The following PHTF1 variants were observed in gnomAD, a reference collection of about 807,000 sequenced individuals.
The protein encoded by PHTF1 is putative homeodomain transcription factor 1, also known as protein PHTF1.
PHTF1 carries 88 observed loss-of-function variants against 102.4 expected under a neutral mutation model. The ratio of observed to expected loss-of-function variants is 0.86; its 90% CI spans 0.72 to 1.03. The LOEUF (loss-of-function observed/expected upper bound fraction) is 1.03, where lower values mean the gene tolerates loss of function less well. Among genes scored for constraint, PHTF1 ranks in the 50% least tolerant of loss-of-function variants. The pLI is 0.00. For missense variants in PHTF1, 814 were observed against 909.5 expected, an observed-to-expected ratio of 0.89 and a Z score of 1.35; for synonymous variants, 289 against 305.2, an observed-to-expected ratio of 0.95 and a Z score of 0.55.
At chr1:113,748,016 C>T (rs889289320) in intron 3 of PHTF1, among the ~76,000 whole-genome samples, 1 of 152,178 alleles carries the variant, frequency 6.6e-6, no homozygotes, top group Non-Finnish European at 1.5e-5. Flanking sequence ...TCTCGCTTGT[C>T]GCCCAGGCTA....
chr1:113,733,051 G>A (rs1292009491), intron 5 of PHTF1, among the ~76,000 whole-genome samples: 4 of 139,624 alleles, frequency 2.9e-5, no homozygotes, highest in African/African-American at 5.4e-5. Context: ...CTTGCACCAC[G>A]CCTGGCTAAT....
intron 10 of PHTF1, among the ~76,000 whole-genome samples, chr1:113,711,016 A>C (rs1651013634): frequency 1.3e-5 from 2 of 151,974 alleles, no homozygotes; most frequent in Admixed American, 1.3e-4. Flanking sequence ...CTAAGAAGCT[A>C]CTGCCATGTT....
intron 7 of PHTF1, among the ~76,000 whole-genome samples, chr1:113,717,435 C>T (rs557818346): frequency 6.6e-6 from 1 of 151,838 alleles, no homozygotes; most frequent in South Asian, 2.1e-4. Flanking sequence ...TGGCTTAATG[C>T]ATTAAAAAAA....
At position 113,710,316 on chromosome 1, in the gene PHTF1, C is replaced by T. The variant is rs376382426; in HGVS notation, c.1207G>A (p.Ala403Thr). The T allele has an allele frequency of 2.5e-6, 4 of 1,613,952 alleles. No homozygotes were observed. In the African/African-American group the frequency reaches 4.0e-5, roughly 16 times the overall value. ...CCTGAGTGAAGGGTATTCACATGGG[C>T]CCCCTCACTGTCACTGGTGACAGAT... ...RSSVTSDSEGAHVNTLHSGTK... is the reference protein window; with the variant it reads ...RSSVTSDSEGTHVNTLHSGTK... The change falls in exon 11 of 19, where the codon GCC becomes ACC. Residue 403 changes from alanine (A) to threonine (T), a missense_variant. Coordinates refer to ENST00000369604, the MANE Select transcript of PHTF1 (RefSeq NM_001323043.2).
At position 113,701,044 on chromosome 1, in the gene PHTF1, A is replaced by C. The variant is rs565632967; in HGVS notation, c.1891-95T>G. ...TGTCAATTTAAGAACATTTCCAAAAATCCAATATTTTAATACTGAAAGCAG... is the reference window on the plus strand; with the variant it reads ...TGTCAATTTAAGAACATTTCCAAAACTCCAATATTTTAATACTGAAAGCAG... On this transcript the variant is annotated intron_variant, in intron 15 of 18. Coordinates refer to ENST00000369604, the MANE Select transcript of PHTF1 (RefSeq NM_001323043.2). 13 of 931,646 alleles carry C rather than the reference A, an allele frequency of 1.4e-5. No individual in the cohort carries two copies. In the East Asian group the frequency reaches 3.2e-4, roughly 23 times the overall value. 57.7% of individuals were successfully genotyped at this position (931,646 alleles called of 1,614,324 possible).
At chr1:113,743,132 C>T (rs982154772) in intron 3 of PHTF1, among the ~76,000 whole-genome samples, 1 of 152,214 alleles carries the variant, frequency 6.6e-6, no homozygotes, top group African/African-American at 2.4e-5. Flanking sequence ...GATAACTTAA[C>T]CTTAGCTTAC....
At chr1:113,739,019 T>C (rs1655945845) in intron 3 of PHTF1, among the ~76,000 whole-genome samples, 1 of 152,080 alleles carries the variant, frequency 6.6e-6, no homozygotes, top group Non-Finnish European at 1.5e-5. Flanking sequence ...GCCCGGCTAA[T>C]TTTTTGTATT....
chr1:113,746,824 T>C, intron 3 of PHTF1: 7 of 871,972 alleles, frequency 8.0e-6, no homozygotes, highest in Non-Finnish European at 9.6e-6. Context: ...ACAAGGTTAA[T>C]AAAAAATAAC....
chr1:113,710,417 G>C lies in PHTF1; in HGVS notation c.1106C>G (p.Ser369Ter). Residue 369 changes from serine to a stop codon, truncating the protein, a stop_gained, in exon 11 of 19, where the codon TCA becomes TGA. Coordinates refer to ENST00000369604, the MANE Select transcript of PHTF1 (RefSeq NM_001323043.2). LOFTEE classifies it high-confidence loss of function. ...SRSLNMSRRD[S>*]ESTRHDSETE... ...CTCCGAGTCATGGCGGGTGCTTTCT[G>C]AGTCTCTTCTTGACATGTTGAGGCT... The C allele has an allele frequency of 6.2e-7, 1 of 1,614,018 alleles. No individual in the cohort carries two copies. Among genetic ancestry groups the C allele is most frequent in the Non-Finnish European group, 8.5e-7 (1 of 1,180,002 alleles).
In PHTF1 at chr1:113,697,730, GA is replaced by G; in HGVS notation, c.2269-6del. The G allele has an allele frequency of 6.2e-7, 1 of 1,603,298 alleles. No individual in the cohort carries two copies. The highest frequency in any genetic ancestry group is 1.7e-5 in the Admixed American group (1 of 59,992). On this transcript the variant is annotated splice_polypyrimidine_tract_variant and splice_region_variant and intron_variant, in intron 18 of 18. Coordinates refer to ENST00000369604, the MANE Select transcript of PHTF1 (RefSeq NM_001323043.2). Reference sequence around the variant, plus strand: ...TTATGATTTAATTTTCCACAGCTAAGAGAACAAAATCACCAAAATAAGTTAG... The same window carrying G: ...TTATGATTTAATTTTCCACAGCTAAGGAACAAAATCACCAAAATAAGTTAG...
At chr1:113,753,490 T>A (rs1265432452) in intron 3 of PHTF1, among the ~76,000 whole-genome samples, 1 of 152,088 alleles carries the variant, frequency 6.6e-6, no homozygotes, top group African/African-American at 2.4e-5. Flanking sequence ...GTGCAATGCA[T>A]GATCTCAGCT....
chr1:113,700,861 C>T lies in PHTF1; in HGVS notation c.1979G>A (p.Arg660His), dbSNP rs767112179. Residue 660 changes from arginine to histidine, a missense_variant, in exon 16 of 19, where the codon CGT (arginine) becomes CAT (histidine). Physicochemically the swap from Arg to His is conservative, Grantham distance 29 (BLOSUM62 0). Transcript: ENST00000369604. ...GGTTTCAGACCCCAGTGAGGCCAGA[C>T]GCAATAAAAAAAGTAGTAAAGCTGT... ...WETALLLFLL[R>H]LASLGSETNK... 12 of 1,611,396 alleles carry T rather than the reference C, an allele frequency of 7.4e-6. No homozygotes were observed. Among genetic ancestry groups the T allele is most frequent in the South Asian group, 4.4e-5 (4 of 90,632 alleles).
At chr1:113,737,527 T>C (rs773774790) in intron 5 of PHTF1, among the ~76,000 whole-genome samples, 1 of 152,166 alleles carries the variant, frequency 6.6e-6, no homozygotes, top group Non-Finnish European at 1.5e-5. Context: ...AAACTTTAGG[T>C]AATCCAATAT....
chr1:113,709,610 T>A (rs1322779658), intron 11 of PHTF1, among the ~76,000 whole-genome samples: 1 of 152,250 alleles, frequency 6.6e-6, no homozygotes, highest in Non-Finnish European at 1.5e-5. Flanking sequence ...CTGATGGAGA[T>A]ATAAATAATA....
At chr1:113,705,014 C>T (rs1557905667) in intron 13 of PHTF1, among the ~76,000 whole-genome samples, 1 of 152,322 alleles carries the variant, frequency 6.6e-6, no homozygotes, top group East Asian at 1.9e-4. Context: ...CAATGTGGTA[C>T]ACTCAACATT....
chr1:113,702,918 C>T (rs980383222), intron 15 of PHTF1, among the ~76,000 whole-genome samples: 3 of 152,166 alleles, frequency 2.0e-5, no homozygotes, highest in African/African-American at 7.2e-5. Flanking sequence ...ATGACAATTA[C>T]ATGCAATATG....
At chr1:113,757,148 CAG>C (rs1659011197) in intron 3 of PHTF1, among the ~76,000 whole-genome samples, 1 of 152,070 alleles carries the variant, frequency 6.6e-6, no homozygotes, top group Non-Finnish European at 1.5e-5. Context: ...GCCTGGACGA[CAG>C]AGTGAGACTC....
At chr1:113,745,094 T>C (rs1657025215) in intron 3 of PHTF1, among the ~76,000 whole-genome samples, 2 of 151,492 alleles carry the variant, frequency 1.3e-5, no homozygotes, top group South Asian at 4.2e-4. Context: ...GAATAAGAGA[T>C]AGCATGGTAA....
intron 3 of PHTF1, among the ~76,000 whole-genome samples, chr1:113,739,362 G>T (rs1035961790): frequency 6.6e-6 from 1 of 152,068 alleles, no homozygotes; most frequent in Non-Finnish European, 1.5e-5. Flanking sequence ...AGATCAATAC[G>T]TGAAAAACAA....
Sources: gnomAD v4.1 joint callset for allele counts (sites outside exome capture counted in the v4.1 genomes callset) on GRCh38, gnomAD v4.1.1 for gene constraint, MANE v1.5 for transcripts, NCBI Gene and HGNC (gene_info 2026-07-23, HGNC 2026-07-21) for gene names.